RNF168: variants seen among roughly 807,000 people sequenced by gnomAD.
RNF168 encodes the protein ring finger protein 168.
A neutral mutation model predicts 34.9 loss-of-function variants in RNF168; 34 were observed. The observed-to-expected ratio is 0.97, with a 90% CI of 0.74 to 1.30. The LOEUF (loss-of-function observed/expected upper bound fraction) is 1.30. RNF168 is among the 50% of genes most tolerant of loss of function. RNF168 has a pLI of 0.00. For synonymous variants in RNF168, 264 were observed against 254.7 expected (o/e 1.04, Z -0.35); for missense variants, 725 against 682.5 (o/e 1.06, Z -0.69).
At chr3:196,487,826 C>T (rs923711316) in intron 2 of RNF168, among the ~76,000 whole-genome samples, 1 of 152,098 alleles carries the variant, frequency 6.6e-6, no homozygotes, top group African/African-American at 2.4e-5. Context: ...GAAAATTATA[C>T]ACAAAATTTT....
In RNF168 at chr3:196,487,729, T is replaced by G. The variant is rs1036415069; in HGVS notation, c.379-151A>C. 118 of 805,810 alleles carry G rather than the reference T, an allele frequency of 1.5e-4. 1 individual carries two copies. The Admixed American group carries it at 1.6e-3, about 11-fold the overall frequency. The allele number at this position is 805,810 out of a possible 1,614,324, so 49.9% of individuals were successfully genotyped here. On this transcript the variant is annotated intron_variant, in intron 2 of 5. Coordinates refer to ENST00000318037, the MANE Select transcript of RNF168 (RefSeq NM_152617.4). ...GTACAAATCTGGAGAAGTAGATTCC[T>G]GCAAGATAGCTGTCCCATCTCAGCC...
At position 196,502,054 on chromosome 3, in the gene RNF168, G is replaced by GAAAA. The variant is rs554041803; in HGVS notation, c.301+815_301+818dup. Among the ~76,000 whole-genome samples the GAAAA allele has an allele frequency of 9.6e-4, 48 of 50,048 alleles. 3 individuals carry two copies. Among genetic ancestry groups the GAAAA allele is most frequent in the Middle Eastern group, 0.021 (1 of 48 alleles). 32.8% of individuals were successfully genotyped at this position (50,048 alleles called of 152,430 possible). On this transcript the variant is annotated intron_variant, in intron 1 of 5. Coordinates refer to ENST00000318037, the MANE Select transcript of RNF168 (RefSeq NM_152617.4). ...ATATAACTGTGACCAAAAAAAATTA[G>GAAAA]AAAAAAAAAAAAAAAAAAAAAAAAA...
At chr3:196,502,604 A>C (rs13099664) in intron 1 of RNF168, among the ~76,000 whole-genome samples, 36,623 of 149,846 alleles carry the variant, frequency 0.24, 5,732 homozygotes, top group East Asian at 0.69. Context: ...AAAAAAAAGA[A>C]GGCTCCAGAC....
intron 1 of RNF168, among the ~76,000 whole-genome samples, chr3:196,502,315 G>C (rs1412470976): frequency 6.6e-6 from 1 of 152,106 alleles, no homozygotes; most frequent in Non-Finnish European, 1.5e-5. Context: ...GGCCGGGCGC[G>C]GTGGCTCAAG....
intron 1 of RNF168, among the ~76,000 whole-genome samples, chr3:196,498,779 G>C (rs1732810570): frequency 6.6e-6 from 1 of 152,104 alleles, no homozygotes; most frequent in Non-Finnish European, 1.5e-5. Context: ...TGGATCACCT[G>C]AGGTCAGGAG....
chr3:196,490,393 C>T (rs928888833), intron 1 of RNF168, among the ~76,000 whole-genome samples: 75 of 152,242 alleles, frequency 4.9e-4, no homozygotes, highest in African/African-American at 1.7e-3. Context: ...CAGCTGACTA[C>T]GACTACCAGG....
chr3:196,503,300 T>G lies in RNF168; in HGVS notation c.-127A>C. 1 of 845,806 alleles carries G rather than the reference T, an allele frequency of 1.2e-6. No individual in the cohort carries two copies. Among genetic ancestry groups the G allele is most frequent in the South Asian group, 1.4e-5 (1 of 69,312 alleles). 52.4% of individuals were successfully genotyped at this position (845,806 alleles called of 1,614,324 possible). A position where few individuals can be genotyped will look rare whatever the true frequency, so the allele number is the denominator to read the frequency against. ...TATTATGCCCAGAAGCGTATCAGAA[T>G]TCGGAGAACAGGAGCATCCAACACG... is the stretch of plus-strand genomic sequence containing the variant. On this transcript the variant is annotated 5_prime_UTR_variant, in exon 1 of 6. Coordinates refer to ENST00000318037, the MANE Select transcript of RNF168 (RefSeq NM_152617.4).
chr3:196,496,548 A>T (rs184066523), intron 1 of RNF168, among the ~76,000 whole-genome samples: 115 of 152,258 alleles, frequency 7.6e-4, no homozygotes, highest in African/African-American at 2.7e-3. Flanking sequence ...ACTGAAAAAA[A>T]TTGAAGGTGA....
chr3:196,501,012 CG>C (rs1301793543), intron 1 of RNF168, among the ~76,000 whole-genome samples: 1 of 152,166 alleles, frequency 6.6e-6, no homozygotes, highest in Non-Finnish European at 1.5e-5. Flanking sequence ...CGCCCGGCCC[CG>C]CAATTTTTTG....
At position 196,472,743 on chromosome 3, in the gene RNF168, T is replaced by C. The variant is rs200100821; in HGVS notation, c.792A>G (p.Pro264=). The part of the protein sequence containing the change: ...KDIDSSDRKS[P]TGQDTEIEDM... ...CTTCTATTTCTGTGTCTTGCCCTGT[T>C]GGGCTTTTCCTATCACTACTGTCAA... Residue 264 remains proline, a synonymous_variant, in exon 6 of 6, where the codon CCA becomes CCG. Transcript: ENST00000318037. 119 of 1,610,700 alleles carry C rather than the reference T, an allele frequency of 7.4e-5. No homozygotes were observed. In the East Asian group the frequency reaches 1.4e-3, roughly 19 times the overall value.
Position 196,471,432 on chromosome 3 carries a change from C to T in RNF168, c.*387G>A, listed in dbSNP as rs1395213335. The T allele has an allele frequency of 5.4e-6, 1 of 184,470 alleles. No homozygotes were observed. Among genetic ancestry groups the T allele is most frequent in the Non-Finnish European group, 1.1e-5 (1 of 87,666 alleles). The allele number at this position is 184,470 out of a possible 1,614,324, so 11.4% of individuals were successfully genotyped here. ...ATGGATTTTAAACCCTGCATGGGTT[C>T]CTTAATCACTCAGAATAGTATAATC... is the stretch of plus-strand genomic sequence containing the variant. On this transcript the variant is annotated 3_prime_UTR_variant, in exon 6 of 6. Coordinates refer to ENST00000318037, the MANE Select transcript of RNF168 (RefSeq NM_152617.4).
chr3:196,476,720 A>G (rs1242529704), intron 4 of RNF168, among the ~76,000 whole-genome samples: 3 of 142,906 alleles, frequency 2.1e-5, no homozygotes, highest in East Asian at 4.3e-4. Flanking sequence ...CTGGCCCTCA[A>G]CTCTCTTCTT....
Position 196,478,720 on chromosome 3 carries a change from A to G in RNF168, c.681-3408T>C, listed in dbSNP as rs555615949. ...CTCACTCTATCGCCCAGACTGAAGT[A>G]CAATGGCACAATCTCTGCTCACTGC... On this transcript the variant is annotated intron_variant, in intron 4 of 5. Coordinates refer to ENST00000318037, the MANE Select transcript of RNF168 (RefSeq NM_152617.4). 2.0e-5 allele frequency among the ~76,000 whole-genome samples: 3 copies of G among 152,064 alleles called. No individual in the cohort carries two copies. The East Asian group carries it at 5.8e-4, about 29-fold the overall frequency.
intron 2 of RNF168, among the ~76,000 whole-genome samples, chr3:196,488,005 T>C (rs2108650471): frequency 6.6e-6 from 1 of 152,294 alleles, no homozygotes; most frequent in East Asian, 1.9e-4. Flanking sequence ...ACCACCCTTT[T>C]ACTTTAAGCT....
chr3:196,472,092 G>T lies in RNF168; in HGVS notation c.1443C>A (p.Ser481=). The change falls in exon 6 of 6, where the codon TCC becomes TCA. Residue 481 remains serine, a synonymous_variant. Transcript: ENST00000318037. ...PDEYHLRATS[S]PPDKVLNGQR... is the part of the protein sequence containing the mutation. ...GTCCATTTAGCACTTTGTCTGGAGG[G>T]GAGGATGTAGCGCGTAAGTGATACT... 1 of 1,613,426 alleles carries T rather than the reference G, an allele frequency of 6.2e-7. No homozygotes were observed. The highest frequency in any genetic ancestry group is 8.5e-7 in the Non-Finnish European group (1 of 1,179,622).
chr3:196,475,830 G>A (rs184735060), intron 4 of RNF168, among the ~76,000 whole-genome samples: 1 of 150,400 alleles, frequency 6.6e-6, no homozygotes, highest in Admixed American at 6.7e-5. Context: ...GATTACAGGC[G>A]TGAGCCACTG....
At chr3:196,480,178 T>C (rs1436880751) in intron 4 of RNF168, among the ~76,000 whole-genome samples, 1 of 152,178 alleles carries the variant, frequency 6.6e-6, no homozygotes. Flanking sequence ...TACCCTGTCT[T>C]ATGGTGCCGA....
intron 4 of RNF168, among the ~76,000 whole-genome samples, chr3:196,476,089 C>T (rs1273334618): frequency 2.0e-5 from 3 of 149,524 alleles, no homozygotes; most frequent in East Asian, 2.0e-4. Flanking sequence ...GAACTCCTGA[C>T]GCTCAGGTGA....
chr3:196,483,697 G>A lies in RNF168; in HGVS notation c.680+73C>T, dbSNP rs1469957542. The stretch of plus-strand genomic sequence containing the variant: ...ACGGACCAAACTTTGAGAATCAGTA[G>A]TAGTCTATATGAACAGAAAACACTG... On this transcript the variant is annotated intron_variant, in intron 4 of 5. Coordinates refer to ENST00000318037, the MANE Select transcript of RNF168 (RefSeq NM_152617.4). The A allele has an allele frequency of 4.0e-6, 5 of 1,255,116 alleles. No individual in the cohort carries two copies. The East Asian group carries it at 1.2e-4, about 29-fold the overall frequency. The allele number at this position is 1,255,116 out of a possible 1,614,324, so 77.7% of individuals were successfully genotyped here.
Sources: allele counts gnomAD v4.1 joint callset (sites outside exome capture counted in the v4.1 genomes callset), GRCh38; gene constraint gnomAD v4.1.1; transcripts MANE v1.5; gene names NCBI Gene and HGNC (gene_info 2026-07-23, HGNC 2026-07-21).